Variants in CCSER2 observed in about 807,000 individuals in gnomAD.
CCSER2 encodes the protein coiled-coil serine rich protein 2, also known as serine-rich coiled-coil domain-containing protein 2.
In CCSER2, 46 loss-of-function variants were observed where a neutral mutation model predicts 92.3. That is an observed-to-expected ratio of 0.50 (90% CI 0.39 to 0.64). The LOEUF is 0.64. Ranked by LOEUF, CCSER2 falls within the 30% of genes least tolerant of loss-of-function variation. The pLI is 0.00. For synonymous variants in CCSER2, 433 were observed against 431.4 expected, an observed-to-expected ratio of 1.00 and a Z score of -0.04; for missense variants, 1,244 against 1,238.9, an observed-to-expected ratio of 1.00 and a Z score of -0.06.
In CCSER2 at chr10:84,354,071, C is replaced by T. The variant is rs556643128; in HGVS notation, c.-39-16943C>T. The stretch of plus-strand genomic sequence containing the variant: ...AAAATTAGCCAGGTGTGGTTGCACA[C>T]ACCTGTAGTCCCAGCTACTGGGGAG... On this transcript the variant is annotated intron_variant, in intron 1 of 9. Transcript: ENST00000372088. 1.4e-3 allele frequency among the ~76,000 whole-genome samples: 215 copies of T among 151,688 alleles called. 1 individual carries two copies. The highest frequency in any genetic ancestry group is 3.8e-3 in the African/African-American group (159 of 41,326).
chr10:84,430,711 G>A (rs1843719010), intron 5 of CCSER2, among the ~76,000 whole-genome samples: 1 of 152,174 alleles, frequency 6.6e-6, no homozygotes, highest in Non-Finnish European at 1.5e-5. Flanking sequence ...AGATGGGTGT[G>A]GCTATTGGAT....
At chr10:84,367,237 G>A (rs1316280114) in intron 1 of CCSER2, among the ~76,000 whole-genome samples, 3 of 150,736 alleles carry the variant, frequency 2.0e-5, no homozygotes, top group African/African-American at 7.3e-5. Flanking sequence ...TTTATTTTAG[G>A]GATATTTTCT....
In CCSER2 at chr10:84,372,429, C is replaced by A; in HGVS notation, c.1377C>A (p.Ala459=). 1 of 1,585,386 alleles carries A rather than the reference C, an allele frequency of 6.3e-7. No individual in the cohort carries two copies. Among genetic ancestry groups the A allele is most frequent in the Non-Finnish European group, 8.5e-7 (1 of 1,172,158 alleles). The part of the protein sequence containing the change: ...MFDSPKENEK[A]FSKTDEWIDI... Reference sequence around the variant, plus strand: ...ATTCCCCCAAGGAAAATGAAAAAGCCTTCAGTAAAACTGATGAATGGATAG... The same window carrying A: ...ATTCCCCCAAGGAAAATGAAAAAGCATTCAGTAAAACTGATGAATGGATAG... Residue 459 remains alanine, a synonymous_variant, in exon 2 of 10, where the codon GCC becomes GCA. Coordinates refer to ENST00000372088, the MANE Select transcript of CCSER2 (RefSeq NM_001284240.2).
chr10:84,446,311 C>T (rs1844911513), intron 6 of CCSER2, among the ~76,000 whole-genome samples: 1 of 152,134 alleles, frequency 6.6e-6, no homozygotes, highest in Admixed American at 6.6e-5. Flanking sequence ...TATGAACTGT[C>T]AAATGTGATA....
intron 3 of CCSER2, among the ~76,000 whole-genome samples, chr10:84,415,084 A>G (rs1416888666): frequency 1.3e-5 from 2 of 152,112 alleles, no homozygotes; most frequent in African/African-American, 4.8e-5. Flanking sequence ...GCATTGGGTA[A>G]TAACATGCTC....
chr10:84,379,303 C>T (rs4130437), intron 3 of CCSER2, among the ~76,000 whole-genome samples: 8,862 of 152,162 alleles, frequency 0.058, 368 homozygotes, highest in Admixed American at 0.1. Context: ...ATTCCTAATA[C>T]TGGTTATTGG....
chr10:84,437,184 CAGAG>C (rs1333520199), intron 5 of CCSER2, among the ~76,000 whole-genome samples: 5 of 150,302 alleles, frequency 3.3e-5, no homozygotes, highest in East Asian at 3.9e-4. Flanking sequence ...GACAGAGAGA[CAGAG>C]AGAGACAGAC....
chr10:84,484,477 ATGTGTGCATG>A (rs1847683473), intron 9 of CCSER2, among the ~76,000 whole-genome samples: 1 of 139,686 alleles, frequency 7.2e-6, no homozygotes, highest in Non-Finnish European at 1.5e-5. Context: ...CGTTGCATGC[ATGTGTGCATG>A]CACGTGTGTG....
intron 3 of CCSER2, among the ~76,000 whole-genome samples, chr10:84,387,296 G>A (rs1437051239): frequency 6.6e-6 from 1 of 152,054 alleles, no homozygotes; most frequent in Non-Finnish European, 1.5e-5. Flanking sequence ...ATCACACCCT[G>A]GTTTTCTGCC....
intron 1 of CCSER2, 81 bp from the exon 2 acceptor site, chr10:84,370,931 AGT>A (rs1846027428): frequency 1.6e-6 from 1 of 609,714 alleles, no homozygotes; most frequent in South Asian, 4.1e-5. Flanking sequence ...TGCGTATAAA[AGT>A]GTAAGTATCA....
intron 3 of CCSER2, among the ~76,000 whole-genome samples, chr10:84,396,437 A>G (rs1447485194): frequency 6.6e-6 from 1 of 151,592 alleles, no homozygotes; most frequent in African/African-American, 2.4e-5. Context: ...CTGTTTTCCA[A>G]GTTTACTTAC....
At chr10:84,408,280 A>G (rs1338233211) in intron 3 of CCSER2, among the ~76,000 whole-genome samples, 2 of 152,182 alleles carry the variant, frequency 1.3e-5, no homozygotes, top group African/African-American at 4.8e-5. Flanking sequence ...TTAAAATTGT[A>G]GTCATATTGT....
intron 6 of CCSER2, among the ~76,000 whole-genome samples, chr10:84,445,933 A>AC (rs1167175927): frequency 1.3e-5 from 2 of 152,120 alleles, no homozygotes; most frequent in Admixed American, 6.6e-5. Flanking sequence ...CTTTTGGTGA[A>AC]CATATGTATG....
chr10:84,500,794 G>A (rs1848681515), intron 9 of CCSER2, among the ~76,000 whole-genome samples: 2 of 152,166 alleles, frequency 1.3e-5, no homozygotes, highest in African/African-American at 4.8e-5. Context: ...ATCATGATTT[G>A]TGATTCATTC....
intron 9 of CCSER2, among the ~76,000 whole-genome samples, chr10:84,492,697 CTTTTG>C (rs1488483178): frequency 1.3e-4 from 20 of 152,078 alleles, no homozygotes; most frequent in Non-Finnish European, 2.9e-5. Flanking sequence ...GATTTTGTTA[CTTTTG>C]TTTTGGTAAT....
At chr10:84,343,919 A>T (rs1844337983) in intron 1 of CCSER2, among the ~76,000 whole-genome samples, 1 of 152,224 alleles carries the variant, frequency 6.6e-6, no homozygotes, top group African/African-American at 2.4e-5. Flanking sequence ...GTGGAATTGT[A>T]ACCTAATGTA....
intron 4 of CCSER2, 57 bp from the exon 5 acceptor site, chr10:84,425,674 G>T: frequency 2.4e-6 from 3 of 1,230,496 alleles, no homozygotes; most frequent in Non-Finnish European, 3.3e-6. Context: ...AGCTATAAGA[G>T]TCAACTTTTA....
chr10:84,450,830 A>G (rs1402504462), intron 6 of CCSER2, among the ~76,000 whole-genome samples: 1 of 152,236 alleles, frequency 6.6e-6, no homozygotes, highest in Non-Finnish European at 1.5e-5. Context: ...AATAATTATG[A>G]GAATGATGTG....
chr10:84,502,046 A>G (rs1273467578), intron 9 of CCSER2, among the ~76,000 whole-genome samples: 1 of 149,414 alleles, frequency 6.7e-6, no homozygotes, highest in Non-Finnish European at 1.5e-5. Context: ...TAGAGGGGAA[A>G]TATGCTCTAA....
Sources: allele counts gnomAD v4.1 joint callset (sites outside exome capture counted in the v4.1 genomes callset), GRCh38; gene constraint gnomAD v4.1.1; transcripts MANE v1.5; gene names NCBI Gene and HGNC (gene_info 2026-07-23, HGNC 2026-07-21).